The following BST1 variants were observed in gnomAD, a reference collection of about 807,000 sequenced individuals.
BST1 encodes ADP-ribosyl cyclase/cyclic ADP-ribose hydrolase 2.
BST1 carries 49 observed loss-of-function variants against 40.6 expected under a neutral mutation model. That is an observed-to-expected ratio of 1.21 (90% CI 0.96 to 1.53). The LOEUF (loss-of-function observed/expected upper bound fraction) is 1.53, where lower values mean the gene tolerates loss of function less well. Ranked by LOEUF, BST1 falls within the 40% of genes most tolerant of loss-of-function variation. The pLI, the probability that BST1 is intolerant of heterozygous loss-of-function variation, is 0.00. For synonymous variants in BST1, 157 were observed against 159.3 expected, an observed-to-expected ratio of 0.99 and a Z score of 0.11; for missense variants, 423 against 395.9, an observed-to-expected ratio of 1.07 and a Z score of -0.58.
Position 15,731,901 on chromosome 4 carries a change from A to G in BST1, c.*56A>G. ...AGCCCTGCAGCCTCCCCTTGCAGTC[A>G]TCATTCGTGTTCTGTGTATACCAAA... On this transcript the variant is annotated 3_prime_UTR_variant, in exon 9 of 9. Transcript: ENST00000265016. 1.3e-6 allele frequency: 2 copies of G among 1,571,124 alleles called. No homozygotes were observed. The highest frequency in any genetic ancestry group is 1.7e-6 in the Non-Finnish European group (2 of 1,157,500).
At chr4:15,723,661 C>T (rs1720947421) in intron 8 of BST1, 1 of 946,022 alleles carries the variant, frequency 1.1e-6, no homozygotes, top group Non-Finnish European at 1.3e-6. Context: ...TGATTATATA[C>T]TTTAAGCTGT....
downstream of BST1, among the ~76,000 whole-genome samples, chr4:15,739,692 G>C (rs1316846446): frequency 1.2e-4 from 19 of 152,036 alleles, no homozygotes; most frequent in Admixed American, 1.2e-3. Flanking sequence ...GTAACTCTAA[G>C]ATGGTGCTTG....
intron 4 of BST1, among the ~76,000 whole-genome samples, chr4:15,712,780 A>G (rs1407215377): frequency 3.3e-5 from 5 of 152,200 alleles, no homozygotes; most frequent in Admixed American, 3.3e-4. Context: ...TCTGCTGCCC[A>G]CCCCAAGAGA....
chr4:15,754,410 C>A, the BST1 span, among the ~76,000 whole-genome samples: 3 of 152,174 alleles, frequency 2.0e-5, no homozygotes, highest in African/African-American at 7.2e-5. Flanking sequence ...CTGAAGCATG[C>A]ACATGTCTAA....
intron 4 of BST1, among the ~76,000 whole-genome samples, chr4:15,714,957 A>G (rs1720426778): frequency 6.6e-6 from 1 of 152,240 alleles, no homozygotes; most frequent in African/African-American, 2.4e-5. Context: ...GATATAAATC[A>G]TTGTTGTTTA....
intron 8 of BST1, among the ~76,000 whole-genome samples, chr4:15,724,457 C>T (rs1485408784): frequency 3.3e-5 from 5 of 152,112 alleles, no homozygotes; most frequent in Admixed American, 2.0e-4. Flanking sequence ...GAGGCTGAGG[C>T]GGGTGGATCA....
chr4:15,745,161 G>A, the BST1 span, among the ~76,000 whole-genome samples: 6 of 152,164 alleles, frequency 3.9e-5, no homozygotes, highest in Non-Finnish European at 7.4e-5. Context: ...ATACATTTAT[G>A]GAAGAATGAA....
downstream of BST1, among the ~76,000 whole-genome samples, chr4:15,735,720 G>C (rs993406811): frequency 7.2e-5 from 11 of 152,174 alleles, no homozygotes; most frequent in African/African-American, 2.7e-4. Flanking sequence ...CCCCAGCCAA[G>C]GGGCGTCTCT....
chr4:15,722,157 T>C (rs2148890180), intron 7 of BST1, among the ~76,000 whole-genome samples: 1 of 152,314 alleles, frequency 6.6e-6, no homozygotes, highest in South Asian at 2.1e-4. Context: ...AAAGTACTTA[T>C]CAGGTCATAC....
At chr4:15,721,664 G>T (rs1720815769) in intron 7 of BST1, among the ~76,000 whole-genome samples, 1 of 146,774 alleles carries the variant, frequency 6.8e-6, no homozygotes, top group South Asian at 2.3e-4. Context: ...CGTGGGGTAG[G>T]GGGAGGGGGG....
chr4:15,737,658 G>A (rs934052926), downstream of BST1: 2 of 505,592 alleles, frequency 4.0e-6, no homozygotes, highest in South Asian at 1.6e-5. Flanking sequence ...TGAGCACAAG[G>A]ACTGGGTGGG....
intron 7 of BST1, among the ~76,000 whole-genome samples, chr4:15,721,976 T>A (rs149831210): frequency 1.6e-3 from 246 of 152,146 alleles, no homozygotes; most frequent in Non-Finnish European, 2.8e-3. Context: ...CCTACCTAAC[T>A]CCCCGTGTGC....
At chr4:15,727,201 T>C (rs1721161828) in intron 8 of BST1, among the ~76,000 whole-genome samples, 1 of 152,204 alleles carries the variant, frequency 6.6e-6, no homozygotes, top group African/African-American at 2.4e-5. Flanking sequence ...GTGTGTAAAG[T>C]TCTCATTCTT....
In BST1 at chr4:15,726,518, G is replaced by T. The variant is rs112555263; in HGVS notation, c.851+3584G>T. 3.5e-4 allele frequency among the ~76,000 whole-genome samples: 54 copies of T among 152,328 alleles called. 1 individual carries two copies. In the Middle Eastern group the frequency reaches 0.01, roughly 29 times the overall value. On this transcript the variant is annotated intron_variant, in intron 8 of 8. Coordinates refer to ENST00000265016, the MANE Select transcript of BST1 (RefSeq NM_004334.3). ...GTCTACATTTTGATTGCAAGAAAAA[G>T]AATCCTTGTGTGGCTCACTTATGTG...
chr4:15,752,636 C>A, the BST1 span, among the ~76,000 whole-genome samples: 7 of 151,906 alleles, frequency 4.6e-5, no homozygotes, highest in African/African-American at 1.7e-4. Flanking sequence ...GATCCACCTG[C>A]CTCAGCCTCC....
chr4:15,716,382 C>T (rs1248321730), intron 6 of BST1, among the ~76,000 whole-genome samples: 2 of 152,200 alleles, frequency 1.3e-5, no homozygotes, highest in Non-Finnish European at 2.9e-5. Context: ...TAAAGACAAG[C>T]CAACAAGGCC....
the BST1 span, among the ~76,000 whole-genome samples, chr4:15,762,444 A>C: frequency 6.6e-6 from 1 of 151,966 alleles, no homozygotes; most frequent in Non-Finnish European, 1.5e-5. Flanking sequence ...TTTCATTTAA[A>C]AATATTTAAT....
the BST1 span, among the ~76,000 whole-genome samples, chr4:15,772,283 A>G: frequency 6.6e-5 from 10 of 152,188 alleles, no homozygotes; most frequent in Non-Finnish European, 1.2e-4. Context: ...ACCTTCTTGC[A>G]TGGTAACTGA....
At chr4:15,767,009 A>G in the BST1 span, among the ~76,000 whole-genome samples, 467 of 151,970 alleles carry the variant, frequency 3.1e-3, 11 homozygotes, top group African/African-American at 0.011. Flanking sequence ...GGGATGCTAT[A>G]GTAGATAAGG....
Sources: allele counts gnomAD v4.1 joint callset (sites outside exome capture counted in the v4.1 genomes callset), GRCh38; gene constraint gnomAD v4.1.1; transcripts MANE v1.5; gene names NCBI Gene and HGNC (gene_info 2026-07-23, HGNC 2026-07-21).